Variants in ARMH4 observed in about 807,000 individuals in gnomAD.
The protein encoded by ARMH4 is armadillo-like helical domain-containing protein 4.
ARMH4 carries 49 observed loss-of-function variants against 61.9 expected under a neutral mutation model. The ratio of observed to expected loss-of-function variants is 0.79; its 90% CI spans 0.63 to 1.00. ARMH4 has a LOEUF of 1.00. Among genes scored for constraint, ARMH4 ranks in the 50% least tolerant of loss-of-function variants. ARMH4 has a pLI of 0.00. For missense variants in ARMH4, 934 were observed against 930.0 expected (o/e 1.00, Z -0.06); for synonymous variants, 368 against 341.5 (o/e 1.08, Z -0.85).
chr14:58,103,243 G>C (rs1169662233), intron 4 of ARMH4, among the ~76,000 whole-genome samples: 1 of 152,090 alleles, frequency 6.6e-6, no homozygotes, highest in Non-Finnish European at 1.5e-5. Context: ...AAAGCCACAA[G>C]CTGAAGAATA....
intron 5 of ARMH4, among the ~76,000 whole-genome samples, chr14:58,045,912 A>G (rs1248059565): frequency 6.6e-6 from 1 of 152,160 alleles, no homozygotes; most frequent in Admixed American, 6.5e-5. Context: ...AGAGTGAGCA[A>G]TCTACAAGTC....
At chr14:58,005,298 T>A in intron 6 of ARMH4, 116 bp from the exon 7 acceptor site, 1 of 1,322,216 alleles carries the variant, frequency 7.6e-7, no homozygotes, top group Non-Finnish European at 1.0e-6. Context: ...CTGTCTGCTT[T>A]GTTGTAAGAT....
At chr14:58,115,778 G>A (rs1312388366) in intron 4 of ARMH4, among the ~76,000 whole-genome samples, 1 of 152,134 alleles carries the variant, frequency 6.6e-6, no homozygotes, top group East Asian at 1.9e-4. Context: ...GTACCTAGAG[G>A]CCATCAAACT....
intron 5 of ARMH4, among the ~76,000 whole-genome samples, chr14:58,072,043 T>G (rs1180330720): frequency 6.6e-6 from 1 of 152,228 alleles, no homozygotes; most frequent in Non-Finnish European, 1.5e-5. Context: ...TCTAGTGCAT[T>G]TCCTATGATT....
At chr14:58,020,479 T>C (rs887704462) in intron 5 of ARMH4, among the ~76,000 whole-genome samples, 2 of 152,122 alleles carry the variant, frequency 1.3e-5, no homozygotes, top group Non-Finnish European at 2.9e-5. Context: ...TTTGTGTCTG[T>C]CTGTCCTTTC....
At chr14:58,057,553 G>A (rs1322762730) in intron 5 of ARMH4, among the ~76,000 whole-genome samples, 1 of 140,888 alleles carries the variant, frequency 7.1e-6, no homozygotes, top group East Asian at 2.5e-4. Context: ...TCTTCCAAAG[G>A]GTGTGTGTGT....
Position 58,139,160 on chromosome 14 carries a change from G to A in ARMH4, c.199C>T (p.Gln67Ter), listed in dbSNP as rs754535200. The A allele has an allele frequency of 2.6e-5, 42 of 1,614,068 alleles. No individual in the cohort carries two copies. The highest frequency in any genetic ancestry group is 3.5e-5 in the Non-Finnish European group (41 of 1,180,028). The change falls in exon 2 of 8, where the codon CAA (glutamine) becomes TAA (stop). Residue 67 changes from glutamine to a stop codon, truncating the protein, a stop_gained. Transcript: ENST00000267485. LOFTEE classifies it high-confidence loss of function. ...ATTGGATCTTCAGAGACCACCAGTT[G>A]GGGAGTCTGCTTTGAGGTAACAGAG... ...NSSVTSKQTP[Q>*]LVVSEDPMMM...
At chr14:58,107,106 C>G (rs932888212) in intron 4 of ARMH4, among the ~76,000 whole-genome samples, 2 of 152,236 alleles carry the variant, frequency 1.3e-5, no homozygotes, top group African/African-American at 4.8e-5. Context: ...CAAAGGTGCT[C>G]AGTTTCTCTA....
chr14:58,087,295 G>C (rs1326922077), intron 5 of ARMH4, among the ~76,000 whole-genome samples: 2 of 152,112 alleles, frequency 1.3e-5, no homozygotes, highest in East Asian at 3.8e-4. Context: ...TGTGAACCCT[G>C]AGTCGGGAGA....
intron 5 of ARMH4, among the ~76,000 whole-genome samples, chr14:58,019,481 C>T (rs1882736575): frequency 6.6e-6 from 1 of 152,156 alleles, no homozygotes; most frequent in Admixed American, 6.5e-5. Context: ...CGCCAGCACC[C>T]TCTTGTGTAT....
At chr14:58,061,545 C>T (rs1050166892) in intron 5 of ARMH4, among the ~76,000 whole-genome samples, 8 of 152,310 alleles carry the variant, frequency 5.3e-5, no homozygotes, top group Admixed American at 3.9e-4. Flanking sequence ...TCTGGTTAAT[C>T]GCTTTCCTCA....
intron 4 of ARMH4, among the ~76,000 whole-genome samples, chr14:58,107,060 G>A (rs1886186466): frequency 6.6e-6 from 1 of 152,108 alleles, no homozygotes; most frequent in Non-Finnish European, 1.5e-5. Context: ...ATCTGACTCT[G>A]CTACAAACAT....
At chr14:58,121,928 A>C in intron 4 of ARMH4, among the ~76,000 whole-genome samples, 1 of 152,230 alleles carries the variant, frequency 6.6e-6, no homozygotes, top group East Asian at 1.9e-4. Flanking sequence ...CCCATTCAAC[A>C]GAACAGGCAA....
intron 6 of ARMH4, among the ~76,000 whole-genome samples, chr14:58,008,030 A>G (rs1882246949): frequency 6.6e-6 from 1 of 152,232 alleles, no homozygotes; most frequent in African/African-American, 2.4e-5. Flanking sequence ...ATTCTGTGAG[A>G]GAGGAGAAAA....
In ARMH4 at chr14:58,029,718, G is replaced by C. The variant is rs548842458; in HGVS notation, c.2090-17568C>G. Among the ~76,000 whole-genome samples the C allele has an allele frequency of 9.9e-4, 151 of 152,308 alleles. 1 individual carries two copies. Among genetic ancestry groups the C allele is most frequent in the African/African-American group, 3.4e-3 (140 of 41,564 alleles). On this transcript the variant is annotated intron_variant, in intron 5 of 7. Coordinates refer to ENST00000267485, the MANE Select transcript of ARMH4 (RefSeq NM_001001872.4). ...AGAGAAAATTAACAAGTGTTAGTGA[G>C]GATGTAGAGAAGTTAGAACTCTCAT...
At chr14:58,075,287 C>A (rs1422922539) in intron 5 of ARMH4, among the ~76,000 whole-genome samples, 1 of 152,062 alleles carries the variant, frequency 6.6e-6, no homozygotes, top group Non-Finnish European at 1.5e-5. Flanking sequence ...ATCATTCTAC[C>A]ATAAAGACTC....
At chr14:58,063,873 C>G (rs1884615909) in intron 5 of ARMH4, among the ~76,000 whole-genome samples, 1 of 152,104 alleles carries the variant, frequency 6.6e-6, no homozygotes, top group Non-Finnish European at 1.5e-5. Context: ...GGAATTTGGT[C>G]TGTTTTTTAA....
rs1555338496 is a variant in ARMH4 at position 58,054,883 on chromosome 14, A to ATAAT, written c.2089+41840_2089+41841insATTA. On this transcript the variant is annotated intron_variant, in intron 5 of 7. Transcript: ENST00000267485. ...GGACTCTGTCTCAAAAAAAAAAAAA[A>ATAAT]AATAATAATAATAATAATAATAATA... 1.5e-3 allele frequency among the ~76,000 whole-genome samples: 203 copies of ATAAT among 138,446 alleles called. 1 individual carries two copies. The highest frequency in any genetic ancestry group is 1.3e-3 in the Non-Finnish European group (84 of 65,050). The allele number at this position is 138,446 out of a possible 152,430, so 90.8% of individuals were successfully genotyped here.
At chr14:58,090,959 T>C (rs185286750) in intron 5 of ARMH4, among the ~76,000 whole-genome samples, 1 of 150,046 alleles carries the variant, frequency 6.7e-6, no homozygotes, top group East Asian at 2.0e-4. Context: ...CTCATGCCTG[T>C]AATCCCAGCA....
Sources: gnomAD v4.1 joint callset for allele counts (sites outside exome capture counted in the v4.1 genomes callset) on GRCh38, gnomAD v4.1.1 for gene constraint, MANE v1.5 for transcripts, NCBI Gene and HGNC (gene_info 2026-07-23, HGNC 2026-07-21) for gene names.